Variants in PTPRQ observed in about 807,000 individuals in gnomAD.
The protein encoded by PTPRQ is protein tyrosine phosphatase receptor type Q, also known as phosphatidylinositol phosphatase PTPRQ.
In PTPRQ, 199 loss-of-function variants were observed where a neutral mutation model predicts 246.0. The observed-to-expected ratio is 0.81, with a 90% CI of 0.72 to 0.91. PTPRQ has a LOEUF of 0.91. Among genes scored for constraint, PTPRQ ranks in the 40% least tolerant of loss-of-function variants. The pLI, the probability that PTPRQ is intolerant of heterozygous loss-of-function variation, is 0.00. For missense variants in PTPRQ, 2,624 were observed against 2,528.4 expected (o/e 1.04, Z -0.81); for synonymous variants, 869 against 853.2 (o/e 1.02, Z -0.32).
Position 80,444,403 on chromosome 12 carries a change from T to G in PTPRQ, c.54+4T>G, listed in dbSNP as rs1164748493. Reference sequence around the variant, plus strand: ...TATTGGGACTTCAGAGACACAGGTATTTCGTATACACTCTTTAAAAACAAG... The same window carrying G: ...TATTGGGACTTCAGAGACACAGGTAGTTCGTATACACTCTTTAAAAACAAG... On this transcript the variant is annotated splice_donor_region_variant and intron_variant, in intron 1 of 44. Transcript: ENST00000644991. 2 of 1,431,036 alleles carry G rather than the reference T, an allele frequency of 1.4e-6. No individual in the cohort carries two copies. Among genetic ancestry groups the G allele is most frequent in the South Asian group, 1.2e-5 (1 of 80,962 alleles). The allele number at this position is 1,431,036 out of a possible 1,614,324, so 88.6% of individuals were successfully genotyped here. A position where few individuals can be genotyped will look rare whatever the true frequency, so the allele number is the denominator to read the frequency against.
chr12:80,473,022 TACAC>T (rs371484292), intron 8 of PTPRQ, among the ~76,000 whole-genome samples: 184 of 129,214 alleles, frequency 1.4e-3, no homozygotes, highest in South Asian at 2.5e-3. Context: ...TAGACATGTA[TACAC>T]ACACACACAC....
At chr12:80,508,742 G>A (rs1565753485) in intron 16 of PTPRQ, among the ~76,000 whole-genome samples, 3 of 152,066 alleles carry the variant, frequency 2.0e-5, no homozygotes, top group Non-Finnish European at 4.4e-5. Context: ...TGCTACAGTG[G>A]ATGTACAGTG....
chr12:80,526,835 A>C (rs2120778894), intron 17 of PTPRQ, among the ~76,000 whole-genome samples: 1 of 152,262 alleles, frequency 6.6e-6, no homozygotes, highest in African/African-American at 2.4e-5. Flanking sequence ...CCTTATGATG[A>C]GAAATTAATG....
At chr12:80,667,404 T>C (rs1006396739) in intron 39 of PTPRQ, among the ~76,000 whole-genome samples, 6 of 152,034 alleles carry the variant, frequency 3.9e-5, no homozygotes, top group African/African-American at 1.4e-4. Flanking sequence ...TATTTATTTT[T>C]TCTGAATAAC....
chr12:80,473,915 C>A (rs936090810), intron 8 of PTPRQ, among the ~76,000 whole-genome samples: 1 of 152,228 alleles, frequency 6.6e-6, no homozygotes, highest in African/African-American at 2.4e-5. Context: ...ATAGATCACA[C>A]CCTGGTGGGT....
intron 28 of PTPRQ, 76 bp from the exon 29 acceptor site, chr12:80,613,516 A>G: frequency 1.4e-6 from 2 of 1,390,286 alleles, no homozygotes; most frequent in Non-Finnish European, 1.9e-6. Context: ...ACAGAAGTTC[A>G]AAGCAAATAA....
At chr12:80,638,843 A>T (rs976660187) in intron 35 of PTPRQ, among the ~76,000 whole-genome samples, 1 of 152,240 alleles carries the variant, frequency 6.6e-6, no homozygotes, top group Non-Finnish European at 1.5e-5. Flanking sequence ...ATGTACAAAG[A>T]TTATTCACAT....
At chr12:80,528,381 C>G (rs1208311644) in intron 17 of PTPRQ, among the ~76,000 whole-genome samples, 1 of 152,112 alleles carries the variant, frequency 6.6e-6, no homozygotes, top group Non-Finnish European at 1.5e-5. Flanking sequence ...TTGTCACCTT[C>G]ATATTTCCAT....
intron 25 of PTPRQ, among the ~76,000 whole-genome samples, chr12:80,562,528 A>G (rs1262319675): frequency 2.0e-5 from 3 of 152,206 alleles, no homozygotes; most frequent in Non-Finnish European, 4.4e-5. Flanking sequence ...CATAGATTGC[A>G]AAGGAAATCT....
rs755727357 is a variant in PTPRQ at position 80,542,779 on chromosome 12, C to A, written c.3771C>A (p.Asp1257Glu). The change falls in exon 23 of 45, where the codon GAC becomes GAA. Residue 1257 changes from aspartate (D) to glutamate (E), a missense_variant. Asp to Glu is a conservative substitution (Grantham distance 45, BLOSUM62 2). Coordinates refer to ENST00000644991, the MANE Select transcript of PTPRQ (RefSeq NM_001145026.2). The stretch of plus-strand genomic sequence containing the variant: ...TGACTTTAATCAACTGTACTTCAGA[C>A]TTTGTATGGCTGAAATGGAGCCCAA... ...QNLTLINCTS[D>E]FVWLKWSPSP... The A allele has an allele frequency of 6.5e-7, 1 of 1,549,354 alleles. No homozygotes were observed. The highest frequency in any genetic ancestry group is 2.5e-5 in the East Asian group (1 of 40,746).
intron 9 of PTPRQ, 83 bp from the exon 10 acceptor site, chr12:80,493,192 A>G: frequency 7.6e-7 from 1 of 1,323,688 alleles, no homozygotes; most frequent in Non-Finnish European, 9.7e-7. Flanking sequence ...TTCCAAAGTT[A>G]TAGGTTTTTT....
intron 25 of PTPRQ, chr12:80,584,051 A>C (rs1401354673): frequency 1.3e-5 from 2 of 152,170 alleles, no homozygotes; most frequent in East Asian, 3.9e-4. Context: ...AAACGGCCAA[A>C]AATACTATCC....
chr12:80,557,417 A>T (rs1332107757), intron 25 of PTPRQ, among the ~76,000 whole-genome samples: 2 of 151,120 alleles, frequency 1.3e-5, no homozygotes, highest in Admixed American at 1.3e-4. Flanking sequence ...CTTGGTTCAA[A>T]CCTATTTCCA....
intron 19 of PTPRQ, among the ~76,000 whole-genome samples, chr12:80,536,413 A>C (rs926904251): frequency 6.6e-6 from 1 of 152,252 alleles, no homozygotes; most frequent in Non-Finnish European, 1.5e-5. Context: ...CTTGCAAGCT[A>C]TCTCAGGACT....
chr12:80,559,498 C>T (rs1238777283), intron 25 of PTPRQ, among the ~76,000 whole-genome samples: 2 of 152,180 alleles, frequency 1.3e-5, no homozygotes, highest in African/African-American at 4.8e-5. Flanking sequence ...TGTCTCTCCT[C>T]CATTGAATTG....
intron 8 of PTPRQ, among the ~76,000 whole-genome samples, 185 bp downstream of exon 8, chr12:80,472,436 T>A (rs1893670039): frequency 1.3e-5 from 2 of 152,202 alleles, no homozygotes; most frequent in Non-Finnish European, 2.9e-5. Context: ...GCATGCTTCA[T>A]AATAAAAGGG....
At chr12:80,556,462 C>A (rs1896648511) in intron 25 of PTPRQ, among the ~76,000 whole-genome samples, 1 of 152,040 alleles carries the variant, frequency 6.6e-6, no homozygotes, top group African/African-American at 2.4e-5. Flanking sequence ...GAACCAGTAA[C>A]CTAATTGGAA....
At chr12:80,484,396 T>G (rs1240756296) in intron 8 of PTPRQ, 37 bp from the exon 9 acceptor site, 11 of 1,396,556 alleles carry the variant, frequency 7.9e-6, no homozygotes, top group African/African-American at 2.3e-5. Flanking sequence ...TATTTTTAAT[T>G]TCCCCCTTTT....
intron 16 of PTPRQ, among the ~76,000 whole-genome samples, chr12:80,509,767 A>G (rs1336368548): frequency 2.6e-5 from 4 of 152,148 alleles, no homozygotes; most frequent in Admixed American, 2.6e-4. Flanking sequence ...TTTCCTTTGT[A>G]AACCATTCAA....
Sources: gnomAD v4.1 joint callset for allele counts (sites outside exome capture counted in the v4.1 genomes callset) on GRCh38, gnomAD v4.1.1 for gene constraint, MANE v1.5 for transcripts, NCBI Gene and HGNC (gene_info 2026-07-23, HGNC 2026-07-21) for gene names.